Variants in CSGALNACT1 observed in about 807,000 individuals in gnomAD.
The protein encoded by CSGALNACT1 is chondroitin sulfate N-acetylgalactosaminyltransferase 1.
A neutral mutation model predicts 51.0 loss-of-function variants in CSGALNACT1; 52 were observed. The ratio of observed to expected loss-of-function variants is 1.02; its 90% CI spans 0.82 to 1.29. The LOEUF is 1.29. Among genes scored for constraint, CSGALNACT1 ranks in the 50% most tolerant of loss-of-function variants. CSGALNACT1 has a pLI of 0.00. For synonymous variants in CSGALNACT1, 341 were observed against 254.4 expected (o/e 1.34, Z -3.24); for missense variants, 935 against 679.2 (o/e 1.38, Z -4.19).
At chr8:19,566,873 C>A (rs2042008173) in intron 3 of CSGALNACT1, among the ~76,000 whole-genome samples, 1 of 152,200 alleles carries the variant, frequency 6.6e-6, no homozygotes, top group African/African-American at 2.4e-5. Context: ...AGCCAACCCC[C>A]CTTTTTCTAA....
intron 1 of CSGALNACT1, among the ~76,000 whole-genome samples, chr8:19,702,466 C>T (rs1473602585): frequency 1.3e-5 from 2 of 152,108 alleles, no homozygotes; most frequent in Non-Finnish European, 2.9e-5. Context: ...GAGCTATAAT[C>T]ACACCACTGC....
intron 1 of CSGALNACT1, among the ~76,000 whole-genome samples, chr8:19,748,398 T>C (rs2064816525): frequency 6.6e-6 from 1 of 152,188 alleles, no homozygotes; most frequent in Admixed American, 6.5e-5. Flanking sequence ...TATAATAATC[T>C]AGAACTTACA....
chr8:19,472,809 GATAAT>G (rs1211224647), intron 4 of CSGALNACT1, among the ~76,000 whole-genome samples: 1 of 152,150 alleles, frequency 6.6e-6, no homozygotes, highest in Admixed American at 6.5e-5. Flanking sequence ...TGAAGAGTAA[GATAAT>G]ATAATACTCA....
chr8:19,548,502 AAAC>A (rs1411731566), intron 3 of CSGALNACT1, among the ~76,000 whole-genome samples: 2 of 152,206 alleles, frequency 1.3e-5, no homozygotes, highest in African/African-American at 4.8e-5. Flanking sequence ...ACATGAAACT[AAAC>A]AATAGATTAC....
At chr8:19,653,288 G>A (rs566204138) in intron 1 of CSGALNACT1, among the ~76,000 whole-genome samples, 7 of 152,074 alleles carry the variant, frequency 4.6e-5, no homozygotes, top group African/African-American at 7.2e-5. Context: ...AGCACACAGC[G>A]CTGTTGACAT....
intron 3 of CSGALNACT1, among the ~76,000 whole-genome samples, chr8:19,581,347 CT>C (rs1428468615): frequency 1.6e-4 from 24 of 152,180 alleles, no homozygotes; most frequent in African/African-American, 5.6e-4. Flanking sequence ...TTGATATCCC[CT>C]CTCACCTACT....
intron 4 of CSGALNACT1, among the ~76,000 whole-genome samples, chr8:19,464,425 C>G (rs574882519): frequency 6.6e-6 from 1 of 152,176 alleles, no homozygotes; most frequent in South Asian, 2.1e-4. Context: ...CAAGATGCTC[C>G]GTAATCAGGG....
intron 1 of CSGALNACT1, among the ~76,000 whole-genome samples, chr8:19,718,382 G>T (rs60774698): frequency 6.6e-6 from 1 of 152,012 alleles, no homozygotes; most frequent in Non-Finnish European, 1.5e-5. Context: ...GTTTACAGGC[G>T]TGAGCCACCG....
intron 1 of CSGALNACT1, among the ~76,000 whole-genome samples, chr8:19,611,520 G>A (rs948514479): frequency 4.6e-5 from 7 of 152,170 alleles, no homozygotes; most frequent in African/African-American, 1.7e-4. Flanking sequence ...CACTCTCTAT[G>A]TTACAGATAA....
intron 3 of CSGALNACT1, among the ~76,000 whole-genome samples, chr8:19,556,146 G>T (rs1352928812): frequency 6.6e-6 from 1 of 152,122 alleles, no homozygotes; most frequent in Non-Finnish European, 1.5e-5. Context: ...GGGAGGCTGA[G>T]GTGGGCGGAT....
intron 3 of CSGALNACT1, among the ~76,000 whole-genome samples, chr8:19,549,480 C>A (rs1339295499): frequency 1.3e-5 from 2 of 152,004 alleles, no homozygotes; most frequent in East Asian, 3.9e-4. Flanking sequence ...CAATTAGGTA[C>A]TTTTTCCAAT....
intron 3 of CSGALNACT1, among the ~76,000 whole-genome samples, chr8:19,532,488 A>C (rs1252547912): frequency 6.6e-6 from 1 of 152,288 alleles, no homozygotes; most frequent in Admixed American, 6.5e-5. Flanking sequence ...CTATCATGAC[A>C]AAAGAGCTCC....
intron 1 of CSGALNACT1, among the ~76,000 whole-genome samples, chr8:19,727,602 C>T (rs1015243888): frequency 2.0e-5 from 3 of 152,212 alleles, no homozygotes; most frequent in Non-Finnish European, 4.4e-5. Flanking sequence ...CCAACCGCCT[C>T]AACCTCCCAA....
chr8:19,742,497 C>G (rs1260840611), intron 1 of CSGALNACT1, among the ~76,000 whole-genome samples: 2 of 152,214 alleles, frequency 1.3e-5, no homozygotes, highest in Non-Finnish European at 2.9e-5. Flanking sequence ...ACAGAACACC[C>G]AACTCCTCCG....
chr8:19,631,244 G>A (rs1466519012), intron 1 of CSGALNACT1, among the ~76,000 whole-genome samples: 4 of 152,002 alleles, frequency 2.6e-5, no homozygotes, highest in African/African-American at 9.7e-5. Flanking sequence ...TATATGCTAA[G>A]ACTATGTTTA....
chr8:19,427,803 G>A (rs1169211487), intron 6 of CSGALNACT1, among the ~76,000 whole-genome samples: 2 of 151,924 alleles, frequency 1.3e-5, no homozygotes, highest in African/African-American at 4.8e-5. Flanking sequence ...AAAAAAGAAA[G>A]AAAATTAGAG....
chr8:19,462,178 G>C (rs2065705798), intron 4 of CSGALNACT1, among the ~76,000 whole-genome samples: 1 of 152,272 alleles, frequency 6.6e-6, no homozygotes, highest in Non-Finnish European at 1.5e-5. Context: ...ATTCGCCACA[G>C]AGGCCATATC....
intron 2 of CSGALNACT1, among the ~76,000 whole-genome samples, chr8:19,593,776 T>A (rs1012076941): frequency 6.6e-6 from 1 of 152,190 alleles, no homozygotes; most frequent in Admixed American, 6.5e-5. Context: ...GCTCCAAGAA[T>A]TCTGCTCAAG....
intron 8 of CSGALNACT1, among the ~76,000 whole-genome samples, chr8:19,415,934 T>C (rs2056775153): frequency 6.6e-6 from 1 of 152,158 alleles, no homozygotes; most frequent in Non-Finnish European, 1.5e-5. Flanking sequence ...CAATGGTATT[T>C]GTGTATCTGA....
Sources: allele counts gnomAD v4.1 joint callset (sites outside exome capture counted in the v4.1 genomes callset), GRCh38; gene constraint gnomAD v4.1.1; transcripts MANE v1.5; gene names NCBI Gene and HGNC (gene_info 2026-07-23, HGNC 2026-07-21).